ADAM12: variants seen among roughly 807,000 people sequenced by gnomAD.
The protein encoded by ADAM12 is ADAM metallopeptidase domain 12, also known as disintegrin and metalloproteinase domain-containing protein 12.
Under a neutral mutation model 106.4 loss-of-function variants are expected in ADAM12, and 70 were observed. The observed-to-expected ratio is 0.66, with a 90% confidence interval of 0.54 to 0.80. The LOEUF is 0.80. Among genes scored for constraint, ADAM12 ranks in the 30% least tolerant of loss-of-function variants. ADAM12 has a pLI of 0.00. For synonymous variants in ADAM12, 420 were observed against 433.5 expected (o/e 0.97, Z 0.39); for missense variants, 1,010 against 1,171.9 (o/e 0.86, Z 2.02).
At chr10:126,288,377 C>T (rs916341847) in intron 2 of ADAM12, among the ~76,000 whole-genome samples, 1 of 152,106 alleles carries the variant, frequency 6.6e-6, no homozygotes, top group Non-Finnish European at 1.5e-5. Context: ...CTCAGCTCTC[C>T]GGAGAGGATT....
chr10:126,321,071 G>A (rs370952856), intron 2 of ADAM12, among the ~76,000 whole-genome samples: 2 of 152,124 alleles, frequency 1.3e-5, no homozygotes, highest in Admixed American at 6.6e-5. Flanking sequence ...CTGACCTCGG[G>A]TCTCAAAGAC....
intron 4 of ADAM12, among the ~76,000 whole-genome samples, chr10:126,144,851 A>C (rs10901535): frequency 0.32 from 49,254 of 152,072 alleles, 8,323 homozygotes; most frequent in Non-Finnish European, 0.38. Flanking sequence ...GCCCCGACTG[A>C]GTGCCAGGCT....
chr10:126,198,815 T>C (rs2930123), intron 3 of ADAM12, among the ~76,000 whole-genome samples: 2 of 152,180 alleles, frequency 1.3e-5, no homozygotes, highest in Non-Finnish European at 2.9e-5. Flanking sequence ...TATTTATGAA[T>C]ATACTGTTAC....
intron 3 of ADAM12, among the ~76,000 whole-genome samples, chr10:126,255,995 G>C (rs187398282): frequency 6.6e-6 from 1 of 152,146 alleles, no homozygotes; most frequent in Non-Finnish European, 1.5e-5. Flanking sequence ...CCAGCCAAAG[G>C]AATATCTTCA....
At chr10:126,116,509 G>C (rs1282625283) in intron 6 of ADAM12, among the ~76,000 whole-genome samples, 1 of 151,842 alleles carries the variant, frequency 6.6e-6, no homozygotes, top group Non-Finnish European at 1.5e-5. Context: ...AGCTTGTAAG[G>C]GTAGAGGTTG....
intron 2 of ADAM12, among the ~76,000 whole-genome samples, chr10:126,292,106 G>A (rs1290430699): frequency 6.6e-6 from 1 of 151,906 alleles, no homozygotes; most frequent in Non-Finnish European, 1.5e-5. Flanking sequence ...CTGCTCTCTT[G>A]AGCCCAGCAC....
chr10:126,141,358 C>T (rs186590288), intron 4 of ADAM12, among the ~76,000 whole-genome samples: 1 of 152,316 alleles, frequency 6.6e-6, no homozygotes, highest in Admixed American at 6.5e-5. Flanking sequence ...CCCACTAGGC[C>T]AGGCCGTCTT....
At chr10:126,378,640 G>T (rs1856381546) in intron 1 of ADAM12, among the ~76,000 whole-genome samples, 1 of 152,144 alleles carries the variant, frequency 6.6e-6, no homozygotes, top group South Asian at 2.1e-4. Context: ...GGAAGACTGA[G>T]ATAAAATAGT....
At chr10:126,310,234 A>C (rs985187921) in intron 2 of ADAM12, among the ~76,000 whole-genome samples, 2 of 151,986 alleles carry the variant, frequency 1.3e-5, no homozygotes, top group African/African-American at 4.8e-5. Flanking sequence ...GCAGTAAAAA[A>C]CAAGCAGACA....
At chr10:126,139,758 C>A (rs563548086) in intron 4 of ADAM12, among the ~76,000 whole-genome samples, 1 of 152,294 alleles carries the variant, frequency 6.6e-6, no homozygotes, top group African/African-American at 2.4e-5. Context: ...AAGCTGCCAT[C>A]TTCAATAAGC....
intron 14 of ADAM12, among the ~76,000 whole-genome samples, chr10:126,056,357 T>C (rs972167903): frequency 6.6e-6 from 1 of 152,176 alleles, no homozygotes; most frequent in African/African-American, 2.4e-5. Flanking sequence ...TCATCAGCCA[T>C]GTAAACACGG....
chr10:126,120,737 T>A (rs1438407255), intron 5 of ADAM12, among the ~76,000 whole-genome samples: 2 of 151,406 alleles, frequency 1.3e-5, no homozygotes, highest in African/African-American at 2.4e-5. Context: ...ATGTCAAAGA[T>A]CCATATTTTG....
intron 3 of ADAM12, among the ~76,000 whole-genome samples, chr10:126,276,887 G>A (rs1959274642): frequency 6.6e-6 from 1 of 152,226 alleles, no homozygotes; most frequent in Admixed American, 6.5e-5. Context: ...CAGTCAACGT[G>A]TATTATAGTA....
intron 11 of ADAM12, among the ~76,000 whole-genome samples, chr10:126,083,313 G>T (rs1442822684): frequency 6.6e-6 from 1 of 152,230 alleles, no homozygotes; most frequent in Non-Finnish European, 1.5e-5. Context: ...CCTGCGTGGA[G>T]ACTGAAAGCA....
At chr10:126,239,333 T>C (rs556699843) in intron 3 of ADAM12, among the ~76,000 whole-genome samples, 2 of 152,358 alleles carry the variant, frequency 1.3e-5, no homozygotes, top group East Asian at 1.9e-4. Context: ...AACCATAGCA[T>C]AGAATATCAA....
intron 2 of ADAM12, among the ~76,000 whole-genome samples, chr10:126,319,244 C>A (rs1004598357): frequency 1.3e-5 from 2 of 152,148 alleles, no homozygotes; most frequent in Non-Finnish European, 2.9e-5. Flanking sequence ...ACTCCCCACT[C>A]CTCAAGTATG....
chr10:126,139,135 T>C (rs918035443), intron 4 of ADAM12, among the ~76,000 whole-genome samples: 3 of 152,228 alleles, frequency 2.0e-5, no homozygotes, highest in African/African-American at 7.2e-5. Flanking sequence ...TCTCAGTTTG[T>C]ATTACACTGA....
At chr10:126,086,554 G>A (rs1487504667) in intron 11 of ADAM12, among the ~76,000 whole-genome samples, 15 of 141,778 alleles carry the variant, frequency 1.1e-4, no homozygotes, top group Admixed American at 9.6e-4. Flanking sequence ...GTGCACGCCT[G>A]TAATCCCAGC....
Position 126,093,971 on chromosome 10 carries a change from G to A in ADAM12, c.1145+14C>T. ...ATGCACACTGTCAAAGCAGATGGAA[G>A]CAATGGTACTTGCCCGGTGGAAGCG... On this transcript the variant is annotated intron_variant, in intron 11 of 22. Transcript: ENST00000448723. The A allele has an allele frequency of 3.7e-6, 6 of 1,613,900 alleles. No individual in the cohort carries two copies. The highest frequency in any genetic ancestry group is 5.1e-6 in the Non-Finnish European group (6 of 1,179,854).
Sources: gnomAD v4.1 joint callset for allele counts (sites outside exome capture counted in the v4.1 genomes callset) on GRCh38, gnomAD v4.1.1 for gene constraint, MANE v1.5 for transcripts, NCBI Gene and HGNC (gene_info 2026-07-23, HGNC 2026-07-21) for gene names.